The following BNIPL variants were observed in gnomAD, a reference collection of about 807,000 sequenced individuals.
BNIPL encodes BCL2 interacting protein like.
BNIPL carries 33 observed loss-of-function variants against 47.0 expected under a neutral mutation model. That is an observed-to-expected ratio of 0.70 (90% CI 0.53 to 0.94). The LOEUF is 0.94. BNIPL is among the 40% of genes least tolerant of loss of function. The pLI is 0.00. For synonymous variants in BNIPL, 145 were observed against 162.7 expected (o/e 0.89, Z 0.83); for missense variants, 404 against 445.2 (o/e 0.91, Z 0.83).
Position 151,043,416 on chromosome 1 carries a change from T to TCA in BNIPL, c.702_703dup (p.Met235ThrfsTer16). On this transcript the variant is annotated frameshift_variant, in exon 6 of 10. Transcript: ENST00000368931. LOFTEE classifies it high-confidence loss of function. ...AGCAGCATCCCCAACTACACCTATG[T>TCA]CATGGAACACTTGTTTAGGTGAGGT... 6.2e-7 allele frequency: 1 copy of TCA among 1,604,860 alleles called. No homozygotes were observed. The highest frequency in any genetic ancestry group is 8.5e-7 in the Non-Finnish European group (1 of 1,171,666).
chr1:151,045,631 T>G (rs2102967964), intron 7 of BNIPL, 166 bp from the exon 8 acceptor site: 1 of 1,172,634 alleles, frequency 8.5e-7, no homozygotes, highest in Admixed American at 3.2e-5. Context: ...ATAAGATGGG[T>G]GGAGCTGAGA....
At position 151,046,256 on chromosome 1, in the gene BNIPL, C is replaced by A. The variant is rs1179310206; in HGVS notation, c.1037+91C>A. 3.9e-6 allele frequency: 6 copies of A among 1,523,982 alleles called. No homozygotes were observed. The East Asian group carries it at 7.2e-5, about 18-fold the overall frequency. The allele number at this position is 1,523,982 out of a possible 1,614,324, so 94.4% of individuals were successfully genotyped here. Reference sequence around the variant, plus strand: ...ATGCCTTGGGGGACATACAAAAGAACGAAAAGCTAGAGGGCCCTGTTTTCG... The same window carrying A: ...ATGCCTTGGGGGACATACAAAAGAAAGAAAAGCTAGAGGGCCCTGTTTTCG... On this transcript the variant is annotated intron_variant, in intron 9 of 9. Coordinates refer to ENST00000368931, the MANE Select transcript of BNIPL (RefSeq NM_138278.4).
Position 151,043,390 on chromosome 1 carries a change from A to C in BNIPL, c.675A>C (p.Arg225Ser), listed in dbSNP as rs1675900921. The C allele has an allele frequency of 1.2e-6, 2 of 1,612,450 alleles. No individual in the cohort carries two copies. ...TTTTTGCTTCCTGTTATCTACCCAG[A>C]AGCAGCATCCCCAACTACACCTATG... ...VILFASCYLP[R>S]SSIPNYTYVM... The change falls in exon 6 of 10, where the codon AGA (arginine) becomes AGC (serine). Residue 225 changes from arginine (R) to serine (S), a missense_variant. Arg to Ser is a moderately radical substitution (Grantham distance 110, BLOSUM62 -1). Transcript: ENST00000368931.
chr1:151,046,828 C>T lies in BNIPL; in HGVS notation c.*141C>T, dbSNP rs1676044403. 3.1e-6 allele frequency: 2 copies of T among 645,404 alleles called. No homozygotes were observed. The highest frequency in any genetic ancestry group is 2.4e-5 in the South Asian group (1 of 41,286). The allele number at this position is 645,404 out of a possible 1,614,324, so 40.0% of individuals were successfully genotyped here. On this transcript the variant is annotated 3_prime_UTR_variant, in exon 10 of 10. Transcript: ENST00000368931. ...CTTCACTTCTCAGTGGGATTTTGTC[C>T]TTTGCATGACCCTACTTTCAGCAGG...
rs767162185 is a variant in BNIPL, at chr1:151,039,078, AG to A, written c.433+54del. ...TGGTAGAAGTAGAGGCTAGAGCTAA[AG>A]GATCAGGATGGACTTAATGGGACTG... On this transcript the variant is annotated intron_variant, in intron 4 of 9. Transcript: ENST00000368931. The A allele has an allele frequency of 1.3e-5, 20 of 1,500,724 alleles. No homozygotes were observed. The Middle Eastern group carries it at 8.9e-4, about 67-fold the overall frequency. The allele number at this position is 1,500,724 out of a possible 1,614,324, so 93.0% of individuals were successfully genotyped here.
chr1:151,036,680 A>G lies in BNIPL; in HGVS notation c.-46A>G. 3 of 1,556,884 alleles carry G rather than the reference A, an allele frequency of 1.9e-6. No homozygotes were observed. The highest frequency in any genetic ancestry group is 2.7e-6 in the Non-Finnish European group (3 of 1,128,636). Reference sequence around the variant, plus strand: ...TGGGGGCTGGGACAACCAGCTCCCCAACAACTCCTAGGTGTTTAAAGAAGG... The same window carrying G: ...TGGGGGCTGGGACAACCAGCTCCCCGACAACTCCTAGGTGTTTAAAGAAGG... On this transcript the variant is annotated 5_prime_UTR_variant, in exon 1 of 10. Transcript: ENST00000368931.
At chr1:151,038,753 A>G (rs781494499) in intron 3 of BNIPL, 43 bp from the exon 4 acceptor site, 2 of 1,556,126 alleles carry the variant, frequency 1.3e-6, no homozygotes, top group Non-Finnish European at 8.7e-7. Context: ...CGGCTCTCCA[A>G]CACACACACC....
chr1:151,038,000 CAAAAAAAAAAAAAAAAAAA>C (rs58423611), intron 2 of BNIPL, among the ~76,000 whole-genome samples: 1 of 63,970 alleles, frequency 1.6e-5, no homozygotes, highest in South Asian at 5.4e-4. Context: ...AACTCTGTCT[CAAAAAAAAAAAAAAAAAAA>C]AAAAAAAAAA....
At chr1:151,045,534 A>T (rs1304228909) in intron 7 of BNIPL, 6 of 406,044 alleles carry the variant, frequency 1.5e-5, no homozygotes, top group Non-Finnish European at 2.4e-5. Flanking sequence ...ACTCCAGCCC[A>T]GGCGACAGAG....
chr1:151,044,938 C>T (rs182371859), intron 7 of BNIPL: 8 of 1,289,602 alleles, frequency 6.2e-6, no homozygotes, highest in East Asian at 5.6e-5. Flanking sequence ...GGAACTTACG[C>T]GAGGGTAGAG....
rs1571844844 is a variant in BNIPL, at chr1:151,046,003, T to C, written c.939-64T>C. 2.5e-6 allele frequency: 4 copies of C among 1,612,380 alleles called. No homozygotes were observed. The South Asian group carries it at 4.4e-5, about 18-fold the overall frequency. On this transcript the variant is annotated intron_variant, in intron 8 of 9. Coordinates refer to ENST00000368931, the MANE Select transcript of BNIPL (RefSeq NM_138278.4). ...ACCACTCTACTTCTACATTTTTCTT[T>C]GCAAGGATTTTTGGGAACCCTTCTC...
rs1675609324 is a variant in BNIPL, at chr1:151,036,709, C to A, written c.-17C>A. 2 of 1,607,346 alleles carry A rather than the reference C, an allele frequency of 1.2e-6. No homozygotes were observed. Among genetic ancestry groups the A allele is most frequent in the Non-Finnish European group, 1.7e-6 (2 of 1,173,950 alleles). The stretch of plus-strand genomic sequence containing the variant: ...ACTCCTAGGTGTTTAAAGAAGGAGG[C>A]AGGAAGACTTGTGAAGATGGGAACT... On this transcript the variant is annotated 5_prime_UTR_variant, in exon 1 of 10. Transcript: ENST00000368931.
Position 151,047,076 on chromosome 1 carries a change from A to G in BNIPL, c.*389A>G, listed in dbSNP as rs114154837. On this transcript the variant is annotated 3_prime_UTR_variant, in exon 10 of 10. Transcript: ENST00000368931. ...CCGGTTCAAGCCATTCTTCTGCCTCAGCCTCAGCGAGTAGCTGAGACTACC... is the reference window on the plus strand; with the variant it reads ...CCGGTTCAAGCCATTCTTCTGCCTCGGCCTCAGCGAGTAGCTGAGACTACC... The G allele has an allele frequency of 0.01, 1,658 of 160,732 alleles. 42 individuals carry two copies. Among genetic ancestry groups the G allele is most frequent in the African/African-American group, 0.038 (1,579 of 41,692 alleles). 10.0% of individuals were successfully genotyped at this position (160,732 alleles called of 1,614,324 possible). A position where few individuals can be genotyped will look rare whatever the true frequency, so the allele number is the denominator to read the frequency against.
intron 7 of BNIPL, among the ~76,000 whole-genome samples, 180 bp downstream of exon 7, chr1:151,043,907 G>C (rs1675920521): frequency 6.6e-6 from 1 of 152,076 alleles, no homozygotes; most frequent in Admixed American, 6.6e-5. Context: ...AAATCCTGCT[G>C]TTACCACATT....
intron 7 of BNIPL, 163 bp from the exon 8 acceptor site, chr1:151,045,634 A>G: frequency 8.1e-7 from 1 of 1,230,888 alleles, no homozygotes; most frequent in East Asian, 2.8e-5. Flanking sequence ...AGATGGGTGG[A>G]GCTGAGATTA....
chr1:151,045,610 T>G, intron 7 of BNIPL, 187 bp from the exon 8 acceptor site: 4 of 943,344 alleles, frequency 4.2e-6, no homozygotes, highest in East Asian at 3.2e-5. Context: ...ATGAGGATCA[T>G]GGAGGGCTAA....
Position 151,045,760 on chromosome 1 carries a change from GGAA to G in BNIPL, c.852-30_852-28del, listed in dbSNP as rs750178189. On this transcript the variant is annotated intron_variant, in intron 7 of 9. Transcript: ENST00000368931. ...CCACGTGATCTTCACACATAAAGGT[GGAA>G]GAAGAAATAGGATGATCTCATGTTG... is the stretch of plus-strand genomic sequence containing the variant. 8.7e-6 allele frequency: 14 copies of G among 1,613,818 alleles called. 1 individual carries two copies. The South Asian group carries it at 1.4e-4, about 16-fold the overall frequency.
At chr1:151,037,968 C>A (rs1267210230) in intron 2 of BNIPL, among the ~76,000 whole-genome samples, 2 of 134,804 alleles carry the variant, frequency 1.5e-5, no homozygotes, top group Non-Finnish European at 3.0e-5. Flanking sequence ...CCATTACACC[C>A]GAGCTTGGGC....
At chr1:151,043,458 T>TA in intron 6 of BNIPL, 24 bp downstream of exon 6, 1 of 1,568,770 alleles carries the variant, frequency 6.4e-7, no homozygotes, top group South Asian at 1.1e-5. Flanking sequence ...CCTGAAGGGC[T>TA]ACAGGGCAGT....
Sources: allele counts gnomAD v4.1 joint callset (sites outside exome capture counted in the v4.1 genomes callset), GRCh38; gene constraint gnomAD v4.1.1; transcripts MANE v1.5; gene names NCBI Gene and HGNC (gene_info 2026-07-23, HGNC 2026-07-21).